The following LNX1 variants were observed in gnomAD, a reference collection of about 807,000 sequenced individuals.
The protein encoded by LNX1 is E3 ubiquitin-protein ligase LNX.
A neutral mutation model predicts 68.4 loss-of-function variants in LNX1; 54 were observed. The ratio of observed to expected loss-of-function variants is 0.79; its 90% CI spans 0.63 to 0.99. LNX1 has a LOEUF of 0.99. LNX1 is among the 50% of genes least tolerant of loss of function. The probability of loss-of-function intolerance (pLI) is 0.00; values close to 1 mark genes in which losing one functional copy is unlikely to be tolerated. For missense variants in LNX1, 906 were observed against 926.4 expected (o/e 0.98, Z 0.29); for synonymous variants, 336 against 350.0 (o/e 0.96, Z 0.45).
rs531336204 is a variant in LNX1 at position 53,511,522 on chromosome 4, C to G, written c.381-3295G>C. Among the ~76,000 whole-genome samples the G allele has an allele frequency of 2.6e-4, 39 of 152,142 alleles. 1 individual carries two copies. Among genetic ancestry groups the G allele is most frequent in the Admixed American group, 8.5e-4 (13 of 15,282 alleles). ...ACAGAAAACCCCTTTTCAACCAAAGCACAAGCTTTGGAGGTGCTGTCCATT... is the reference window on the plus strand; with the variant it reads ...ACAGAAAACCCCTTTTCAACCAAAGGACAAGCTTTGGAGGTGCTGTCCATT... On this transcript the variant is annotated intron_variant, in intron 2 of 10. Coordinates refer to ENST00000263925, the MANE Select transcript of LNX1 (RefSeq NM_001126328.3).
intron 2 of LNX1, among the ~76,000 whole-genome samples, chr4:53,527,257 C>T (rs1228985710): frequency 6.6e-6 from 1 of 152,170 alleles, no homozygotes; most frequent in African/African-American, 2.4e-5. Flanking sequence ...GTTCAGTGAA[C>T]TAGCAGATTC....
chr4:53,586,596 A>G (rs567331793), intron 1 of LNX1, among the ~76,000 whole-genome samples: 5 of 152,204 alleles, frequency 3.3e-5, no homozygotes, highest in Non-Finnish European at 7.4e-5. Context: ...GTTAATTGGG[A>G]TAGAACTTGC....
chr4:53,558,142 T>C (rs909531209), intron 2 of LNX1: 2 of 1,406,646 alleles, frequency 1.4e-6, no homozygotes, highest in African/African-American at 1.5e-5. Flanking sequence ...CGTAAGAAGA[T>C]TATGCTCTCT....
At chr4:53,502,235 TAC>T (rs1212166593) in intron 4 of LNX1, among the ~76,000 whole-genome samples, 1 of 152,216 alleles carries the variant, frequency 6.6e-6, no homozygotes, top group African/African-American at 2.4e-5. Flanking sequence ...TCACATGGAT[TAC>T]ACTGTCCCCT....
At chr4:53,588,364 A>C (rs1314958427) in intron 1 of LNX1, among the ~76,000 whole-genome samples, 1 of 152,174 alleles carries the variant, frequency 6.6e-6, no homozygotes, top group Non-Finnish European at 1.5e-5. Context: ...TACACATTTC[A>C]ACCCATTTCA....
At chr4:53,625,840 ACCC>A (rs201670080) in intron 1 of LNX1, among the ~76,000 whole-genome samples, 3 of 120,290 alleles carry the variant, frequency 2.5e-5, no homozygotes, top group Non-Finnish European at 5.1e-5. Context: ...CAGCAATTCC[ACCC>A]CGTGTGTGTG....
upstream of LNX1, among the ~76,000 whole-genome samples, chr4:53,594,277 C>G (rs760621564): frequency 6.6e-6 from 1 of 151,996 alleles, no homozygotes. Flanking sequence ...ATCAAATCAA[C>G]CCCAAGATGG....
chr4:53,462,504 C>A (rs15834), intron 9 of LNX1, among the ~76,000 whole-genome samples: 14,154 of 152,044 alleles, frequency 0.093, 1,161 homozygotes, highest in South Asian at 0.28. Flanking sequence ...TCAGATATGG[C>A]TATTTTGTTT....
At chr4:53,599,520 G>A (rs773400444) in intron 2 of LNX1, among the ~76,000 whole-genome samples, 33 of 152,296 alleles carry the variant, frequency 2.2e-4, no homozygotes, top group African/African-American at 6.0e-4. Flanking sequence ...TGGAGTAGCC[G>A]TTCTTTTATT....
chr4:53,556,093 G>T (rs1292998998), intron 2 of LNX1, among the ~76,000 whole-genome samples: 1 of 152,140 alleles, frequency 6.6e-6, no homozygotes, highest in African/African-American at 2.4e-5. Context: ...TGCAATTAAG[G>T]ATCTCAAGAT....
At position 53,559,837 on chromosome 4, in the gene LNX1, C is replaced by G. The variant is rs576023377; in HGVS notation, c.380+13786G>C. Among the ~76,000 whole-genome samples, 334 of 148,468 alleles carry G rather than the reference C, an allele frequency of 2.2e-3. 5 individuals are homozygous for G. Among genetic ancestry groups the G allele is most frequent in the African/African-American group, 8.0e-3 (324 of 40,514 alleles). On this transcript the variant is annotated intron_variant, in intron 2 of 10. Coordinates refer to ENST00000263925, the MANE Select transcript of LNX1 (RefSeq NM_001126328.3). Reference sequence around the variant, plus strand: ...TAAAAAAAAAAAAAAAAATTAAAATCTTTTTCAGAGATGAGGGTCCCTCTA... The same window carrying G: ...TAAAAAAAAAAAAAAAAATTAAAATGTTTTTCAGAGATGAGGGTCCCTCTA...
At chr4:53,535,776 A>T (rs938372833) in intron 2 of LNX1, among the ~76,000 whole-genome samples, 15 of 152,126 alleles carry the variant, frequency 9.9e-5, no homozygotes, top group Non-Finnish European at 1.6e-4. Context: ...TCACTTCCTC[A>T]TTCATAGTAA....
intron 4 of LNX1, among the ~76,000 whole-genome samples, 163 bp from the exon 5 acceptor site, chr4:53,499,006 A>T (rs945897549): frequency 2.6e-5 from 4 of 152,082 alleles, no homozygotes; most frequent in African/African-American, 9.7e-5. Context: ...CTCTGCTTGG[A>T]ATGTTTTTCA....
chr4:53,540,679 TCAAAAAACAAAAAA>T (rs561277036), intron 2 of LNX1, among the ~76,000 whole-genome samples: 1 of 149,984 alleles, frequency 6.7e-6, no homozygotes, highest in Non-Finnish European at 1.5e-5. Context: ...AAGCTCTGTC[TCAAAAAACAAAAAA>T]CAAAAAACAA....
intron 2 of LNX1, among the ~76,000 whole-genome samples, chr4:53,611,548 TAAG>T (rs929534026): frequency 1.3e-5 from 2 of 151,972 alleles, no homozygotes; most frequent in Admixed American, 1.3e-4. Context: ...TTAGAAAAAA[TAAG>T]TAGAGATGGA....
intron 2 of LNX1, among the ~76,000 whole-genome samples, chr4:53,547,857 G>A (rs1729215145): frequency 6.6e-6 from 1 of 152,174 alleles, no homozygotes; most frequent in African/African-American, 2.4e-5. Flanking sequence ...GATGATGACT[G>A]TAAGGCTGAT....
chr4:53,544,194 C>T (rs748722664), intron 2 of LNX1, among the ~76,000 whole-genome samples: 5 of 151,262 alleles, frequency 3.3e-5, no homozygotes, highest in Non-Finnish European at 7.4e-5. Context: ...TGATTTCTCT[C>T]TCTCTCTCTC....
chr4:53,498,549 C>A, intron 5 of LNX1, 92 bp downstream of exon 5: 1 of 848,490 alleles, frequency 1.2e-6, no homozygotes, highest in Non-Finnish European at 2.0e-6. Context: ...TTACCATTTC[C>A]CTCATTCATC....
intron 6 of LNX1, among the ~76,000 whole-genome samples, chr4:53,482,213 A>G (rs940083125): frequency 7.9e-5 from 12 of 152,220 alleles, no homozygotes; most frequent in African/African-American, 2.9e-4. Context: ...TGCACTGTGT[A>G]AAGTAGCAGC....
Sources: gnomAD v4.1 joint callset for allele counts (sites outside exome capture counted in the v4.1 genomes callset) on GRCh38, gnomAD v4.1.1 for gene constraint, MANE v1.5 for transcripts, NCBI Gene and HGNC (gene_info 2026-07-23, HGNC 2026-07-21) for gene names.